Variants in EYS observed in about 807,000 individuals in gnomAD.
EYS encodes EGF-like photoreceptor maintenance factor.
A neutral mutation model predicts 282.1 loss-of-function variants in EYS; 250 were observed. That is an observed-to-expected ratio of 0.89 (90% CI 0.80 to 0.98). The LOEUF (loss-of-function observed/expected upper bound fraction) is 0.98. Ranked by LOEUF, EYS falls within the 50% of genes least tolerant of loss-of-function variation. The pLI is 0.00. For synonymous variants in EYS, 1,355 were observed against 1,282.9 expected (o/e 1.06, Z -1.20); for missense variants, 4,016 against 3,709.0 (o/e 1.08, Z -2.15).
At chr6:64,673,197 T>C (rs1474776280) in intron 22 of EYS, among the ~76,000 whole-genome samples, 1 of 152,140 alleles carries the variant, frequency 6.6e-6, no homozygotes, top group Non-Finnish European at 1.5e-5. Context: ...ACTATCTTGA[T>C]AGACTCTTTT....
chr6:63,972,649 T>C (rs947182936), intron 35 of EYS, among the ~76,000 whole-genome samples: 3 of 152,076 alleles, frequency 2.0e-5, no homozygotes, highest in African/African-American at 7.2e-5. Flanking sequence ...CATCAACCCA[T>C]CATCTACGTC....
intron 13 of EYS, among the ~76,000 whole-genome samples, chr6:65,052,823 A>G (rs1773312376): frequency 6.6e-5 from 10 of 151,746 alleles, no homozygotes. Flanking sequence ...TAGAATTTGA[A>G]AGGGAGCCAG....
In EYS at chr6:63,755,128, C is replaced by T. The variant is rs535502616; in HGVS notation, c.8071+7333G>A. On this transcript the variant is annotated intron_variant, in intron 41 of 42. Coordinates refer to ENST00000503581, the MANE Select transcript of EYS (RefSeq NM_001142800.2). Reference sequence around the variant, plus strand: ...TGGATAGATTGACAAAATTTTCTCCCATTCTGTAGGTTGCCTGTTCACTCT... The same window carrying T: ...TGGATAGATTGACAAAATTTTCTCCTATTCTGTAGGTTGCCTGTTCACTCT... 2.6e-5 allele frequency among the ~76,000 whole-genome samples: 4 copies of T among 152,164 alleles called. No homozygotes were observed. In the East Asian group the frequency reaches 7.7e-4, roughly 29 times the overall value.
At chr6:63,827,864 A>AT in intron 36 of EYS, among the ~76,000 whole-genome samples, 1 of 150,096 alleles carries the variant, frequency 6.7e-6, no homozygotes, top group Non-Finnish European at 1.5e-5. Context: ...AAAAAAAAAA[A>AT]AAAAAAAGAA....
In EYS at chr6:64,915,029, G is replaced by T. The variant is rs563898263; in HGVS notation, c.2382-2286C>A. ...TTTTGGTGACTTTCCATCCTAGTTT[G>T]CCTGGAGAGACTTGGTTCAGTTTGT... On this transcript the variant is annotated intron_variant, in intron 15 of 42. Transcript: ENST00000503581. 1.3e-5 allele frequency among the ~76,000 whole-genome samples: 2 copies of T among 151,920 alleles called. 1 individual carries two copies. The highest frequency in any genetic ancestry group is 4.1e-4 in the South Asian group (2 of 4,824).
chr6:65,498,635 T>G (rs866575891), intron 2 of EYS, among the ~76,000 whole-genome samples: 13 of 151,974 alleles, frequency 8.6e-5, no homozygotes, highest in African/African-American at 2.9e-4. Context: ...TGTGAAAATT[T>G]AAATAAATGA....
intron 19 of EYS, among the ~76,000 whole-genome samples, chr6:64,884,134 CT>C (rs1767009578): frequency 2.0e-5 from 3 of 151,614 alleles, no homozygotes; most frequent in Admixed American, 6.6e-5. Flanking sequence ...GAATCATAAA[CT>C]TTCCTGGTCA....
intron 12 of EYS, among the ~76,000 whole-genome samples, chr6:65,254,065 C>T (rs1461821998): frequency 6.6e-6 from 1 of 151,786 alleles, no homozygotes; most frequent in Non-Finnish European, 1.5e-5. Context: ...TCTAAGAAGG[C>T]TTGCTAAAAG....
chr6:65,630,816 T>C (rs1766885288), intron 2 of EYS, among the ~76,000 whole-genome samples: 1 of 152,210 alleles, frequency 6.6e-6, no homozygotes, highest in African/African-American at 2.4e-5. Flanking sequence ...ATAAAGAAAT[T>C]TGTATAAAAA....
At chr6:64,224,833 T>A (rs928139376) in intron 31 of EYS, among the ~76,000 whole-genome samples, 2 of 135,838 alleles carry the variant, frequency 1.5e-5, no homozygotes, top group Non-Finnish European at 3.2e-5. Context: ...CTTTTGTGAA[T>A]GATTTTTTTT....
chr6:65,162,206 T>C (rs1764866584), intron 12 of EYS, among the ~76,000 whole-genome samples: 1 of 151,414 alleles, frequency 6.6e-6, no homozygotes, highest in Admixed American at 6.6e-5. Flanking sequence ...CATGTATAAA[T>C]GGAGATAACA....
chr6:65,107,477 G>T (rs1436335625), intron 12 of EYS, among the ~76,000 whole-genome samples: 1 of 137,768 alleles, frequency 7.3e-6, no homozygotes, highest in Non-Finnish European at 1.5e-5. Context: ...TGGCTCCCTT[G>T]GGGAAACAAA....
intron 22 of EYS, among the ~76,000 whole-genome samples, chr6:64,760,311 C>T (rs1204235138): frequency 6.6e-6 from 1 of 152,042 alleles, no homozygotes; most frequent in Admixed American, 6.6e-5. Flanking sequence ...ATAGAGTGAC[C>T]AGCTATCCAG....
intron 12 of EYS, among the ~76,000 whole-genome samples, chr6:65,107,442 T>C (rs1444547697): frequency 6.6e-6 from 1 of 151,730 alleles, no homozygotes; most frequent in African/African-American, 2.4e-5. Flanking sequence ...AAGAAACTTG[T>C]ATTATCTTTT....
At chr6:64,347,442 A>C (rs2150401020) in intron 29 of EYS, among the ~76,000 whole-genome samples, 1 of 151,566 alleles carries the variant, frequency 6.6e-6, no homozygotes, top group South Asian at 2.1e-4. Flanking sequence ...GTATGTTTCC[A>C]AAAATCTGAA....
At chr6:65,042,938 C>T (rs1411487153) in intron 13 of EYS, among the ~76,000 whole-genome samples, 2 of 151,390 alleles carry the variant, frequency 1.3e-5, no homozygotes, top group Non-Finnish European at 1.5e-5. Flanking sequence ...TTGGGAAGCA[C>T]TGGCCTCGGT....
intron 4 of EYS, among the ~76,000 whole-genome samples, chr6:65,491,086 A>T (rs1044312150): frequency 1.3e-5 from 2 of 152,148 alleles, no homozygotes; most frequent in Admixed American, 1.3e-4. Flanking sequence ...ACACATTCAA[A>T]TGTGTACTGT....
chr6:65,289,263 C>T (rs529691402), intron 12 of EYS, among the ~76,000 whole-genome samples: 2 of 150,928 alleles, frequency 1.3e-5, no homozygotes, highest in Admixed American at 6.6e-5. Flanking sequence ...TTTAGAACTA[C>T]TTGAAACTTA....
At chr6:65,090,954 T>C (rs1774540503) in intron 12 of EYS, among the ~76,000 whole-genome samples, 1 of 152,142 alleles carries the variant, frequency 6.6e-6, no homozygotes, top group Non-Finnish European at 1.5e-5. Context: ...CATTTATTTG[T>C]TATTAATAAA....
Sources: gnomAD v4.1 joint callset for allele counts (sites outside exome capture counted in the v4.1 genomes callset) on GRCh38, gnomAD v4.1.1 for gene constraint, MANE v1.5 for transcripts, NCBI Gene and HGNC (gene_info 2026-07-23, HGNC 2026-07-21) for gene names.